SORCS3: variants seen among roughly 807,000 people sequenced by gnomAD.
SORCS3 encodes the protein sortilin related VPS10 domain containing receptor 3.
A neutral mutation model predicts 146.3 loss-of-function variants in SORCS3; 57 were observed. That is an observed-to-expected ratio of 0.39 (90% confidence interval 0.31 to 0.49). SORCS3 has a LOEUF of 0.49. Ranked by LOEUF, SORCS3 falls within the 20% of genes least tolerant of loss-of-function variation. SORCS3 has a pLI of 0.92. For missense variants in SORCS3, 1,341 were observed against 1,575.5 expected (o/e 0.85, Z 2.52); for synonymous variants, 653 against 618.5 (o/e 1.06, Z -0.83).
intron 1 of SORCS3, among the ~76,000 whole-genome samples, chr10:104,648,077 C>T (rs2015515506): frequency 6.6e-6 from 1 of 152,210 alleles, no homozygotes; most frequent in Non-Finnish European, 1.5e-5. Context: ...TTAAATAACA[C>T]ATGACAACAA....
At chr10:104,741,432 G>A (rs2016841334) in intron 1 of SORCS3, among the ~76,000 whole-genome samples, 1 of 151,874 alleles carries the variant, frequency 6.6e-6, no homozygotes, top group African/African-American at 2.4e-5. Context: ...GCATTTCTTG[G>A]GTTTATCCTG....
At chr10:104,702,393 G>A (rs939035057) in intron 1 of SORCS3, among the ~76,000 whole-genome samples, 5 of 152,094 alleles carry the variant, frequency 3.3e-5, no homozygotes, top group Non-Finnish European at 1.5e-5. Flanking sequence ...AAGTGATTCT[G>A]CTGCCTCAGC....
chr10:105,211,824 T>G (rs7910840), intron 17 of SORCS3, among the ~76,000 whole-genome samples: 1 of 151,872 alleles, frequency 6.6e-6, no homozygotes, highest in Admixed American at 6.6e-5. Context: ...CTTTGCTGCC[T>G]CTATAACCAA....
intron 4 of SORCS3, among the ~76,000 whole-genome samples, chr10:104,997,447 A>G (rs995853909): frequency 2.6e-5 from 4 of 152,172 alleles, no homozygotes; most frequent in African/African-American, 9.6e-5. Context: ...ATTTCCATCA[A>G]TAATCTGATC....
In SORCS3 at chr10:104,720,000, A is replaced by G. The variant is rs538927737; in HGVS notation, c.627+78046A>G. Among the ~76,000 whole-genome samples the G allele has an allele frequency of 1.2e-3, 188 of 151,568 alleles. 1 individual carries two copies. Among genetic ancestry groups the G allele is most frequent in the Non-Finnish European group, 5.2e-4 (35 of 67,904 alleles). ...TAGGTTTTTTTTTTTTTATACTTTAAGTTTTAGGGTACATGTGCACAACGT... is the reference window on the plus strand; with the variant it reads ...TAGGTTTTTTTTTTTTTATACTTTAGGTTTTAGGGTACATGTGCACAACGT... On this transcript the variant is annotated intron_variant, in intron 1 of 26. Transcript: ENST00000369701.
chr10:105,252,792 G>C lies in SORCS3; in HGVS notation c.3123G>C (p.Glu1041Asp). 2 of 1,613,972 alleles carry C rather than the reference G, an allele frequency of 1.2e-6. No individual in the cohort carries two copies. Among genetic ancestry groups the C allele is most frequent in the South Asian group, 2.2e-5 (2 of 91,040 alleles). ...CTTTGCAGGTAACCAGTGTCCCAGA[G>C]GACCAGATCCTCATTGCCGTGTTTC... ...RALVKVTSVP[E>D]DQILIAVFPG... The change falls in exon 23 of 27, where the codon GAG (glutamate) becomes GAC (aspartate). Residue 1041 changes from glutamate (E) to aspartate (D), a missense_variant. Coordinates refer to ENST00000369701, the MANE Select transcript of SORCS3 (RefSeq NM_014978.3).
intron 14 of SORCS3, among the ~76,000 whole-genome samples, chr10:105,199,287 A>G (rs2056561103): frequency 6.6e-6 from 1 of 152,030 alleles, no homozygotes; most frequent in Admixed American, 6.6e-5. Flanking sequence ...AGGGCAATCA[A>G]CTGCTGGGCT....
intron 1 of SORCS3, among the ~76,000 whole-genome samples, chr10:104,656,520 T>C (rs543338827): frequency 2.6e-5 from 4 of 152,002 alleles, no homozygotes; most frequent in Non-Finnish European, 4.4e-5. Flanking sequence ...TAGCTGGGCA[T>C]GGTGGAATGC....
chr10:104,715,246 G>A (rs1191596552), intron 1 of SORCS3, among the ~76,000 whole-genome samples: 1 of 152,166 alleles, frequency 6.6e-6, no homozygotes, highest in East Asian at 1.9e-4. Flanking sequence ...ACCACGGTGG[G>A]TGGGCATCAT....
chr10:104,825,564 C>T (rs575617468), intron 1 of SORCS3, among the ~76,000 whole-genome samples: 6 of 152,286 alleles, frequency 3.9e-5, no homozygotes, highest in East Asian at 3.9e-4. Context: ...GCTGCCTTCT[C>T]AGGGTGGTTT....
At chr10:105,243,703 A>G (rs1040316182) in intron 20 of SORCS3, among the ~76,000 whole-genome samples, 1 of 152,198 alleles carries the variant, frequency 6.6e-6, no homozygotes, top group African/African-American at 2.4e-5. Flanking sequence ...TCATTTACCA[A>G]ATAGAAAAGA....
chr10:105,021,683 C>T (rs1469023574), intron 4 of SORCS3, among the ~76,000 whole-genome samples: 6 of 152,148 alleles, frequency 3.9e-5, no homozygotes, highest in Non-Finnish European at 7.3e-5. Context: ...ATATAACATC[C>T]ATCTCTGTGG....
chr10:105,157,156 A>C lies in SORCS3; in HGVS notation c.1501A>C (p.Ile501Leu). The change falls in exon 10 of 27, where the codon ATA becomes CTA. Residue 501 changes from isoleucine to leucine, a missense_variant. Physicochemically the swap from Ile to Leu is conservative, Grantham distance 5. Transcript: ENST00000369701. ...ELYEVAGIKG[I>L]FLANKKVDDQ... ...TTCCTAGGTAGCAGGTATCAAAGGGATATTTCTGGCAAACAAGAAGGTGGA... is the reference window on the plus strand; with the variant it reads ...TTCCTAGGTAGCAGGTATCAAAGGGCTATTTCTGGCAAACAAGAAGGTGGA... The C allele has an allele frequency of 1.2e-6, 2 of 1,613,966 alleles. No homozygotes were observed. Among genetic ancestry groups the C allele is most frequent in the Non-Finnish European group, 1.7e-6 (2 of 1,179,918 alleles).
chr10:104,824,084 A>G (rs965994052), intron 1 of SORCS3, among the ~76,000 whole-genome samples: 1 of 152,220 alleles, frequency 6.6e-6, no homozygotes, highest in Non-Finnish European at 1.5e-5. Flanking sequence ...AATGTAGAAC[A>G]CAACCCTACC....
chr10:104,855,240 C>A (rs979514502), intron 2 of SORCS3, among the ~76,000 whole-genome samples: 2 of 152,116 alleles, frequency 1.3e-5, no homozygotes, highest in Non-Finnish European at 2.9e-5. Flanking sequence ...ATATGGTAAG[C>A]CTTAATGTCA....
At chr10:104,711,544 C>T (rs1359136302) in intron 1 of SORCS3, among the ~76,000 whole-genome samples, 1 of 152,220 alleles carries the variant, frequency 6.6e-6, no homozygotes, top group African/African-American at 2.4e-5. Flanking sequence ...TTTAAGGGCT[C>T]TGTTAAGCTA....
intron 2 of SORCS3, 120 bp from the exon 3 acceptor site, chr10:104,915,713 C>A (rs1313834748): frequency 2.6e-6 from 2 of 765,510 alleles, no homozygotes; most frequent in Admixed American, 2.0e-5. Flanking sequence ...ATCTCTGAAG[C>A]ACTCATATGA....
At chr10:105,039,625 T>C (rs2055326999) in intron 4 of SORCS3, among the ~76,000 whole-genome samples, 1 of 151,690 alleles carries the variant, frequency 6.6e-6, no homozygotes, top group Non-Finnish European at 1.5e-5. Context: ...CCCAGCTAAT[T>C]TTTGTATTTT....
At chr10:104,665,407 G>A (rs1474569678) in intron 1 of SORCS3, 5 of 152,168 alleles carry the variant, frequency 3.3e-5, no homozygotes, top group Non-Finnish European at 7.3e-5. Flanking sequence ...GTAGGACCAA[G>A]GGAGACCTTT....
Sources: allele counts gnomAD v4.1 joint callset (sites outside exome capture counted in the v4.1 genomes callset), GRCh38; gene constraint gnomAD v4.1.1; transcripts MANE v1.5; gene names NCBI Gene and HGNC (gene_info 2026-07-23, HGNC 2026-07-21).